MAGI2: variants seen among roughly 807,000 people sequenced by gnomAD.
MAGI2 encodes membrane-associated guanylate kinase, WW and PDZ domain-containing protein 2.
MAGI2 carries 35 observed loss-of-function variants against 133.3 expected under a neutral mutation model. That is an observed-to-expected ratio of 0.26 (90% CI 0.20 to 0.35). The LOEUF (loss-of-function observed/expected upper bound fraction) is 0.35, where lower values mean the gene tolerates loss of function less well. MAGI2 is among the 10% of genes least tolerant of loss of function. The pLI, the probability that MAGI2 is intolerant of heterozygous loss-of-function variation, is 1.00. For missense variants in MAGI2, 1,636 were observed against 1,863.4 expected, an observed-to-expected ratio of 0.88 and a Z score of 2.25; for synonymous variants, 729 against 710.6, an observed-to-expected ratio of 1.03 and a Z score of -0.41.
chr7:78,315,961 T>TGGAG (rs1292607786), intron 9 of MAGI2, among the ~76,000 whole-genome samples: 3 of 152,214 alleles, frequency 2.0e-5, no homozygotes, highest in Admixed American at 6.5e-5. Context: ...TATTCTTCCT[T>TGGAG]TAAACCTTTT....
intron 3 of MAGI2, among the ~76,000 whole-genome samples, chr7:78,562,143 C>T (rs1226371713): frequency 6.6e-6 from 1 of 152,194 alleles, no homozygotes; most frequent in Non-Finnish European, 1.5e-5. Flanking sequence ...TTCCATGTTA[C>T]TGAGAATTAC....
intron 2 of MAGI2, among the ~76,000 whole-genome samples, chr7:78,878,967 T>C (rs1282823566): frequency 6.6e-6 from 1 of 152,138 alleles, no homozygotes; most frequent in Non-Finnish European, 1.5e-5. Flanking sequence ...ACCTCATTCT[T>C]CCTGTGTAGA....
chr7:78,921,631 GT>G (rs11300201), intron 2 of MAGI2, among the ~76,000 whole-genome samples: 4,117 of 145,778 alleles, frequency 0.028, 160 homozygotes, highest in African/African-American at 0.089. Context: ...CTTTTCAACA[GT>G]TTTTTTTTTT....
intron 20 of MAGI2, among the ~76,000 whole-genome samples, chr7:78,083,189 A>T (rs1260618555): frequency 1.3e-5 from 2 of 152,016 alleles, no homozygotes; most frequent in East Asian, 3.9e-4. Context: ...GAAGAAAAAG[A>T]CCAACTGTGA....
intron 16 of MAGI2, among the ~76,000 whole-genome samples, chr7:78,146,805 T>G (rs140490753): frequency 1.5e-3 from 233 of 152,286 alleles, no homozygotes; most frequent in African/African-American, 5.3e-3. Context: ...ATCCAGTGTA[T>G]TTTATCTCTG....
chr7:78,311,521 A>C (rs1798702197), intron 9 of MAGI2, among the ~76,000 whole-genome samples: 1 of 152,196 alleles, frequency 6.6e-6, no homozygotes, highest in Non-Finnish European at 1.5e-5. Flanking sequence ...GGACAGAATA[A>C]TTTTTCATGG....
chr7:78,335,685 G>C (rs1789687757), intron 9 of MAGI2, among the ~76,000 whole-genome samples: 1 of 152,130 alleles, frequency 6.6e-6, no homozygotes, highest in Non-Finnish European at 1.5e-5. Flanking sequence ...ACAAAAAAAT[G>C]ACCAGAAAAA....
intron 1 of MAGI2, among the ~76,000 whole-genome samples, chr7:79,289,937 A>G (rs891045297): frequency 1.3e-5 from 2 of 152,076 alleles, no homozygotes; most frequent in African/African-American, 4.8e-5. Context: ...ATTTCTCTTC[A>G]TTTAACCATT....
chr7:78,977,859 C>A (rs1024052994), intron 2 of MAGI2, among the ~76,000 whole-genome samples: 2 of 151,522 alleles, frequency 1.3e-5, no homozygotes, highest in African/African-American at 4.8e-5. Flanking sequence ...AGCATGCAAA[C>A]CAATAAAAAA....
chr7:78,219,387 G>C (rs1418234774), intron 10 of MAGI2, among the ~76,000 whole-genome samples: 1 of 152,174 alleles, frequency 6.6e-6, no homozygotes, highest in African/African-American at 2.4e-5. Flanking sequence ...TATCTGGACA[G>C]CTTACCAAGA....
chr7:78,979,440 C>T (rs1804591864), intron 2 of MAGI2, among the ~76,000 whole-genome samples: 1 of 151,862 alleles, frequency 6.6e-6, no homozygotes, highest in Non-Finnish European at 1.5e-5. Context: ...TCTGTGCTCC[C>T]AGGGACAAGG....
At chr7:78,202,109 A>C (rs957718843) in intron 10 of MAGI2, among the ~76,000 whole-genome samples, 1 of 152,182 alleles carries the variant, frequency 6.6e-6, no homozygotes, top group Non-Finnish European at 1.5e-5. Context: ...TCCTTCTTTC[A>C]ACAATTTTCA....
chr7:78,225,772 A>G (rs1789314113), intron 10 of MAGI2, among the ~76,000 whole-genome samples: 1 of 152,226 alleles, frequency 6.6e-6, no homozygotes, highest in African/African-American at 2.4e-5. Flanking sequence ...CATTCTGCGC[A>G]TGGGCTTCTT....
At chr7:78,946,457 C>T (rs576017958) in intron 2 of MAGI2, among the ~76,000 whole-genome samples, 2 of 152,118 alleles carry the variant, frequency 1.3e-5, no homozygotes, top group Non-Finnish European at 2.9e-5. Context: ...ACATAGTTCA[C>T]CATTAAAAAT....
intron 21 of MAGI2, among the ~76,000 whole-genome samples, chr7:78,020,821 T>TA (rs3840615): frequency 4.6e-5 from 7 of 151,808 alleles, no homozygotes; most frequent in African/African-American, 7.3e-5. Context: ...TATCATTTTT[T>TA]AAAAAAAATC....
intron 2 of MAGI2, among the ~76,000 whole-genome samples, chr7:78,659,755 C>T (rs1812728873): frequency 6.6e-6 from 1 of 152,000 alleles, no homozygotes; most frequent in South Asian, 2.1e-4. Flanking sequence ...TGATATTGTA[C>T]TATTGTTTTG....
intron 2 of MAGI2, among the ~76,000 whole-genome samples, chr7:78,941,184 T>A (rs1211679538): frequency 6.6e-6 from 1 of 152,122 alleles, no homozygotes; most frequent in Non-Finnish European, 1.5e-5. Flanking sequence ...TTCCCAGATC[T>A]CCAGGTCTTC....
chr7:78,712,473 C>G (rs774222401), intron 2 of MAGI2, among the ~76,000 whole-genome samples: 1 of 152,142 alleles, frequency 6.6e-6, no homozygotes, highest in African/African-American at 2.4e-5. Context: ...CACAAGAAGG[C>G]GTTGATTCCC....
chr7:78,024,981 G>A (rs1454039968), intron 21 of MAGI2, among the ~76,000 whole-genome samples: 1 of 152,164 alleles, frequency 6.6e-6, no homozygotes, highest in Non-Finnish European at 1.5e-5. Context: ...ACATAAATTA[G>A]ATCATGCCAT....
Sources: gnomAD v4.1 joint callset for allele counts (sites outside exome capture counted in the v4.1 genomes callset) on GRCh38, gnomAD v4.1.1 for gene constraint, MANE v1.5 for transcripts, NCBI Gene and HGNC (gene_info 2026-07-23, HGNC 2026-07-21) for gene names.